Variants in MAP6 observed in about 807,000 individuals in gnomAD.
MAP6 encodes the protein microtubule associated protein 6, also known as microtubule-associated protein 6.
Under a neutral mutation model 42.4 loss-of-function variants are expected in MAP6, and 26 were observed. The observed-to-expected ratio is 0.61, with a 90% CI of 0.45 to 0.85. The LOEUF is 0.85. MAP6 is among the 40% of genes least tolerant of loss of function. MAP6 has a pLI of 0.00. For synonymous variants in MAP6, 418 were observed against 443.8 expected, an observed-to-expected ratio of 0.94 and a Z score of 0.73; for missense variants, 966 against 1,099.0, an observed-to-expected ratio of 0.88 and a Z score of 1.71.
chr11:75,628,148 C>T (rs142435592), intron 1 of MAP6, among the ~76,000 whole-genome samples: 116 of 152,268 alleles, frequency 7.6e-4, no homozygotes, highest in African/African-American at 2.8e-3. Context: ...TGGGGGTGGC[C>T]TGTACTCTGT....
rs1424086318 is a variant in MAP6 at position 75,668,797 on chromosome 11, C to G, written c.-428G>C. ...CGGTGTGGCCGCAGGGTCCGCGGAC[C>G]GGGCTCGAGTCTCCTTCCTGCCGGC... On this transcript the variant is annotated 5_prime_UTR_variant, in exon 1 of 4. Transcript: ENST00000304771. 6.3e-6 allele frequency: 1 copy of G among 157,942 alleles called. No homozygotes were observed. Among genetic ancestry groups the G allele is most frequent in the African/African-American group, 2.4e-5 (1 of 41,550 alleles). 9.8% of individuals were successfully genotyped at this position (157,942 alleles called of 1,614,324 possible).
At chr11:75,653,102 A>G (rs1218294124) in intron 1 of MAP6, among the ~76,000 whole-genome samples, 6 of 152,130 alleles carry the variant, frequency 3.9e-5, no homozygotes, top group East Asian at 1.9e-4. Flanking sequence ...GGCTCACTCA[A>G]TCCACAAGGG....
intron 1 of MAP6, among the ~76,000 whole-genome samples, chr11:75,659,608 T>C (rs568719872): frequency 6.6e-6 from 1 of 152,212 alleles, no homozygotes; most frequent in Non-Finnish European, 1.5e-5. Flanking sequence ...CTACTATTAG[T>C]ATTATTATTT....
chr11:75,663,729 G>C (rs867319892), intron 1 of MAP6, among the ~76,000 whole-genome samples: 2 of 152,244 alleles, frequency 1.3e-5, no homozygotes, highest in Admixed American at 6.5e-5. Context: ...AGGCATTGCT[G>C]GGATTGACCC....
intron 3 of MAP6, among the ~76,000 whole-genome samples, chr11:75,600,664 G>C (rs1472850048): frequency 6.6e-6 from 1 of 152,202 alleles, no homozygotes; most frequent in East Asian, 1.9e-4. Flanking sequence ...ATGGTTCACA[G>C]GTTATATCCT....
At chr11:75,596,614 G>A (rs1942582671) in intron 3 of MAP6, 1 of 152,422 alleles carries the variant, frequency 6.6e-6, no homozygotes, top group African/African-American at 2.4e-5. Context: ...GCCTAAGAGT[G>A]CCCATCCACA....
chr11:75,665,975 A>T (rs1943939354), intron 1 of MAP6, among the ~76,000 whole-genome samples: 1 of 152,156 alleles, frequency 6.6e-6, no homozygotes, highest in African/African-American at 2.4e-5. Flanking sequence ...ATGTCTGGAT[A>T]TGCTATTCTT....
intron 1 of MAP6, among the ~76,000 whole-genome samples, chr11:75,619,210 T>C (rs1467513653): frequency 1.3e-5 from 2 of 152,132 alleles, no homozygotes; most frequent in East Asian, 1.9e-4. Flanking sequence ...ATGGATGTTT[T>C]TGTAAAAAAG....
chr11:75,628,237 T>A (rs996546001), intron 1 of MAP6, among the ~76,000 whole-genome samples: 2 of 152,138 alleles, frequency 1.3e-5, no homozygotes. Context: ...GGCAAACAGA[T>A]CCCACCAGAA....
At position 75,668,652 on chromosome 11, in the gene MAP6, C is replaced by T. The variant is rs931091892; in HGVS notation, c.-283G>A. 3.8e-6 allele frequency: 1 copy of T among 266,386 alleles called. No individual in the cohort carries two copies. Among genetic ancestry groups the T allele is most frequent in the Non-Finnish European group, 7.0e-6 (1 of 143,064 alleles). 16.5% of individuals were successfully genotyped at this position (266,386 alleles called of 1,614,324 possible). On this transcript the variant is annotated 5_prime_UTR_variant, in exon 1 of 4. Transcript: ENST00000304771. ...ACGCACGGCGTTCCCGAGTCCCCGGCGAGGGTGTCTGGGACGCGCCCCTCC... is the reference window on the plus strand; with the variant it reads ...ACGCACGGCGTTCCCGAGTCCCCGGTGAGGGTGTCTGGGACGCGCCCCTCC...
chr11:75,628,535 G>A (rs1415331213), intron 1 of MAP6, among the ~76,000 whole-genome samples: 2 of 152,232 alleles, frequency 1.3e-5, no homozygotes, highest in African/African-American at 4.8e-5. Flanking sequence ...GGAGGACAGG[G>A]CAGTAGAAGC....
At chr11:75,603,168 C>A in intron 3 of MAP6, 1 of 985,488 alleles carries the variant, frequency 1.0e-6, no homozygotes, top group Non-Finnish European at 1.2e-6. Flanking sequence ...TGAGGGAAGC[C>A]AATGCGCAGC....
At chr11:75,588,850 T>A (rs1942422581) in intron 3 of MAP6, among the ~76,000 whole-genome samples, 1 of 152,178 alleles carries the variant, frequency 6.6e-6, no homozygotes, top group Admixed American at 6.5e-5. Flanking sequence ...ATTAGTTTTT[T>A]GTTATTTGTT....
At chr11:75,615,333 A>G (rs1942978044) in intron 1 of MAP6, among the ~76,000 whole-genome samples, 2 of 152,254 alleles carry the variant, frequency 1.3e-5, no homozygotes, top group Non-Finnish European at 1.5e-5. Flanking sequence ...TGGGGGTTAA[A>G]TAAGAAAGAA....
intron 1 of MAP6, among the ~76,000 whole-genome samples, chr11:75,628,413 C>T (rs1943231982): frequency 6.6e-6 from 1 of 152,220 alleles, no homozygotes; most frequent in African/African-American, 2.4e-5. Flanking sequence ...AGCTTAAACA[C>T]CTGCTGGGGG....
At chr11:75,651,804 T>C (rs1943650906) in intron 1 of MAP6, among the ~76,000 whole-genome samples, 1 of 152,224 alleles carries the variant, frequency 6.6e-6, no homozygotes, top group Admixed American at 6.5e-5. Flanking sequence ...AACCAAGTAT[T>C]CTTATGCACT....
At chr11:75,648,282 C>T (rs61895139) in intron 1 of MAP6, among the ~76,000 whole-genome samples, 7,703 of 152,206 alleles carry the variant, frequency 0.051, 245 homozygotes, top group East Asian at 0.14. Context: ...TAGCTTGAGC[C>T]CAGGAGTTCA....
rs1386492810 is a variant in MAP6, at chr11:75,668,221, T to G, written c.149A>C (p.Gln50Pro). 7.3e-7 allele frequency: 1 copy of G among 1,373,544 alleles called. No homozygotes were observed. The highest frequency in any genetic ancestry group is 1.5e-5 in the African/African-American group (1 of 66,936). The allele number at this position is 1,373,544 out of a possible 1,614,324, so 85.1% of individuals were successfully genotyped here. ...PGAPPQPPPPQQQAQPALAPP... is the reference protein window; with the variant it reads ...PGAPPQPPPPPQQAQPALAPP... ...CGCGAGCGCCGGCTGCGCCTGCTGCTGCGGCGGCGGTGGCTGCGGCGGGGC... is the reference window on the plus strand; with the variant it reads ...CGCGAGCGCCGGCTGCGCCTGCTGCGGCGGCGGCGGTGGCTGCGGCGGGGC... Residue 50 changes from glutamine to proline, a missense_variant, in exon 1 of 4, where the codon CAG becomes CCG. Gln to Pro is a moderately conservative substitution (Grantham distance 76). Transcript: ENST00000304771.
At chr11:75,639,737 G>A (rs1399533058) in intron 1 of MAP6, among the ~76,000 whole-genome samples, 1 of 152,224 alleles carries the variant, frequency 6.6e-6, no homozygotes, top group Non-Finnish European at 1.5e-5. Flanking sequence ...CATCTGCTTA[G>A]GAGTGGAGGG....
Sources: gnomAD v4.1 joint callset for allele counts (sites outside exome capture counted in the v4.1 genomes callset) on GRCh38, gnomAD v4.1.1 for gene constraint, MANE v1.5 for transcripts, NCBI Gene and HGNC (gene_info 2026-07-23, HGNC 2026-07-21) for gene names.